GPM6A: variants seen among roughly 807,000 people sequenced by gnomAD.
GPM6A encodes the protein glycoprotein M6A, also known as neuronal membrane glycoprotein M6-a.
In GPM6A, 7 loss-of-function variants were observed where a neutral mutation model predicts 32.1. The observed-to-expected ratio is 0.22, with a 90% CI of 0.12 to 0.41. GPM6A has a LOEUF of 0.41. Ranked by LOEUF, GPM6A falls within the 10% of genes least tolerant of loss-of-function variation. The pLI, the probability that GPM6A is intolerant of heterozygous loss-of-function variation, is 1.00. For missense variants in GPM6A, 235 were observed against 347.2 expected, an observed-to-expected ratio of 0.68 and a Z score of 2.57; for synonymous variants, 130 against 123.4, an observed-to-expected ratio of 1.05 and a Z score of -0.35.
intron 1 of GPM6A, among the ~76,000 whole-genome samples, chr4:175,899,801 T>C (rs1579609413): frequency 6.6e-6 from 1 of 152,034 alleles, no homozygotes; most frequent in East Asian, 1.9e-4. Context: ...CTACAGGACA[T>C]TGATCTCAGC....
At chr4:175,903,691 C>T (rs769163006) in intron 1 of GPM6A, among the ~76,000 whole-genome samples, 21 of 152,156 alleles carry the variant, frequency 1.4e-4, no homozygotes, top group Non-Finnish European at 2.8e-4. Flanking sequence ...AACAAACCCA[C>T]ACTGAGGGAC....
chr4:175,860,429 T>C (rs1289431076), intron 1 of GPM6A, among the ~76,000 whole-genome samples: 1 of 152,120 alleles, frequency 6.6e-6, no homozygotes, highest in Non-Finnish European at 1.5e-5. Context: ...TTCTATGCCC[T>C]CAAAGTTGAT....
intron 4 of GPM6A, among the ~76,000 whole-genome samples, chr4:175,647,334 C>T (rs1451191216): frequency 6.6e-6 from 1 of 152,120 alleles, no homozygotes; most frequent in Non-Finnish European, 1.5e-5. Flanking sequence ...GGATAAACAT[C>T]TAATACATCC....
chr4:175,651,929 G>A lies in GPM6A; in HGVS notation c.446C>T (p.Ser149Leu), dbSNP rs781003179. Residue 149 changes from serine to leucine, a missense_variant, in exon 4 of 7, where the codon TCA (serine) becomes TTA (leucine). By Grantham distance (145) the Ser-to-Leu change is moderately radical. Transcript: ENST00000393658. ...ATTGAAGTACATGTAAACTGGCAGT[G>A]AGGTGAAAGCCGTGACTCCCAGCCA... ...LAWLGVTAFT[S>L]LPVYMYFNLW... is the part of the protein sequence containing the mutation. 6.2e-7 allele frequency: 1 copy of A among 1,612,618 alleles called. No homozygotes were observed. Among genetic ancestry groups the A allele is most frequent in the Non-Finnish European group, 8.5e-7 (1 of 1,178,862 alleles).
chr4:175,788,885 A>T (rs2111269308), intron 1 of GPM6A, among the ~76,000 whole-genome samples: 1 of 152,334 alleles, frequency 6.6e-6, no homozygotes. Flanking sequence ...GTAATAAATT[A>T]GAGCCATAGC....
intron 1 of GPM6A, among the ~76,000 whole-genome samples, chr4:175,751,822 T>C (rs984686002): frequency 2.6e-5 from 4 of 152,126 alleles, no homozygotes; most frequent in Non-Finnish European, 4.4e-5. Context: ...AAATTGTATT[T>C]CATCATGGAG....
intron 1 of GPM6A, among the ~76,000 whole-genome samples, chr4:175,720,306 T>C (rs979725114): frequency 6.6e-6 from 1 of 152,172 alleles, no homozygotes; most frequent in African/African-American, 2.4e-5. Context: ...CACATAAATC[T>C]TTTTATTTCA....
intron 1 of GPM6A, among the ~76,000 whole-genome samples, chr4:175,922,212 C>A (rs1738692399): frequency 6.6e-6 from 1 of 152,192 alleles, no homozygotes; most frequent in South Asian, 2.1e-4. Flanking sequence ...ACCCTCAATT[C>A]ATGTTAGCTT....
intron 1 of GPM6A, among the ~76,000 whole-genome samples, chr4:175,853,619 T>A (rs540854106): frequency 6.6e-6 from 1 of 150,880 alleles, no homozygotes; most frequent in African/African-American, 2.4e-5. Flanking sequence ...ACCAGTGGAG[T>A]CGTTCTATGC....
chr4:175,717,381 A>G (rs1296289260), intron 1 of GPM6A, among the ~76,000 whole-genome samples: 1 of 152,180 alleles, frequency 6.6e-6, no homozygotes, highest in African/African-American at 2.4e-5. Context: ...GTCATGTAGA[A>G]TTCTCTTGAT....
rs1433055997 is a variant in GPM6A at position 175,918,867 on chromosome 4, T to A, written c.-23+83442A>T. Among the ~76,000 whole-genome samples the A allele has an allele frequency of 3.3e-5, 5 of 152,240 alleles. No individual in the cohort carries two copies. The East Asian group carries it at 9.6e-4, about 29-fold the overall frequency. Reference sequence around the variant, plus strand: ...GAATTATCATCACATCTATACAGCATTCTTTTATGATTTGTCTGCTTATAT... The same window carrying A: ...GAATTATCATCACATCTATACAGCAATCTTTTATGATTTGTCTGCTTATAT... On this transcript the variant is annotated intron_variant, in intron 1 of 7. Coordinates refer to the GPM6A transcript ENST00000280187.
intron 2 of GPM6A, among the ~76,000 whole-genome samples, chr4:175,679,686 A>G (rs927910459): frequency 6.6e-6 from 1 of 152,018 alleles, no homozygotes; most frequent in Non-Finnish European, 1.5e-5. Flanking sequence ...CTTTTCCCCC[A>G]TTTATTGATT....
intron 1 of GPM6A, among the ~76,000 whole-genome samples, chr4:175,933,400 A>G (rs1452257055): frequency 6.6e-6 from 1 of 152,204 alleles, no homozygotes; most frequent in Non-Finnish European, 1.5e-5. Flanking sequence ...GCTGTTGAGG[A>G]TGTACAATGA....
At chr4:175,685,044 C>A (rs538026599) in intron 2 of GPM6A, among the ~76,000 whole-genome samples, 1 of 152,022 alleles carries the variant, frequency 6.6e-6, no homozygotes, top group Admixed American at 6.6e-5. Context: ...CCCACCACCA[C>A]GCCCGGCTAA....
At chr4:175,746,443 A>G (rs771989425) in intron 1 of GPM6A, among the ~76,000 whole-genome samples, 1 of 152,176 alleles carries the variant, frequency 6.6e-6, no homozygotes, top group Non-Finnish European at 1.5e-5. Context: ...TTCTGCACCA[A>G]TGCTTTGTGT....
At chr4:175,871,754 A>G (rs528665225) in intron 1 of GPM6A, among the ~76,000 whole-genome samples, 245 of 152,324 alleles carry the variant, frequency 1.6e-3, no homozygotes, top group Middle Eastern at 3.4e-3. Flanking sequence ...CAAAATTAAT[A>G]GCATTATGAC....
intron 1 of GPM6A, among the ~76,000 whole-genome samples, chr4:175,950,697 G>A (rs933126628): frequency 2.6e-5 from 4 of 152,100 alleles, no homozygotes; most frequent in African/African-American, 9.7e-5. Flanking sequence ...GAAATGAGGG[G>A]ACAAAGTCCT....
intron 1 of GPM6A, among the ~76,000 whole-genome samples, chr4:175,999,360 G>GT (rs1036182702): frequency 2.6e-5 from 4 of 152,176 alleles, no homozygotes; most frequent in Admixed American, 2.0e-4. Context: ...TAGCCCTGCA[G>GT]TTTTTTTAGT....
chr4:175,760,406 G>C (rs1459412173), intron 1 of GPM6A, among the ~76,000 whole-genome samples: 1 of 151,968 alleles, frequency 6.6e-6, no homozygotes, highest in Admixed American at 6.6e-5. Context: ...GTATAAGAAG[G>C]CATCTGAGAA....
Sources: gnomAD v4.1 joint callset for allele counts (sites outside exome capture counted in the v4.1 genomes callset) on GRCh38, gnomAD v4.1.1 for gene constraint, MANE v1.5 for transcripts, NCBI Gene and HGNC (gene_info 2026-07-23, HGNC 2026-07-21) for gene names.